LRBA: variants seen among roughly 807,000 people sequenced by gnomAD.
The protein encoded by LRBA is LPS responsive beige-like anchor protein.
LRBA carries 176 observed loss-of-function variants against 330.0 expected under a neutral mutation model. That is an observed-to-expected ratio of 0.53 (90% confidence interval 0.47 to 0.60). The LOEUF is 0.60. Ranked by LOEUF, LRBA falls within the 20% of genes least tolerant of loss-of-function variation. The pLI, the probability that LRBA is intolerant of heterozygous loss-of-function variation, is 0.00. For missense variants in LRBA, 3,259 were observed against 3,444.8 expected (o/e 0.95, Z 1.35); for synonymous variants, 1,230 against 1,193.0 (o/e 1.03, Z -0.64).
At chr4:150,968,237 C>G (rs1739129412) in intron 2 of LRBA, among the ~76,000 whole-genome samples, 1 of 152,068 alleles carries the variant, frequency 6.6e-6, no homozygotes, top group African/African-American at 2.4e-5. Context: ...CTCCTGACCT[C>G]AAGTGATCAC....
intron 4 of LRBA, among the ~76,000 whole-genome samples, chr4:150,922,643 A>G (rs1733428389): frequency 6.6e-6 from 1 of 152,016 alleles, no homozygotes; most frequent in Non-Finnish European, 1.5e-5. Context: ...GTGAGAGATA[A>G]AAGTCTACAA....
At chr4:150,924,315 C>T (rs1187591904) in intron 4 of LRBA, among the ~76,000 whole-genome samples, 1 of 151,992 alleles carries the variant, frequency 6.6e-6, no homozygotes, top group Non-Finnish European at 1.5e-5. Flanking sequence ...GGTTTGAGAC[C>T]AGCCTGGGCA....
At chr4:150,952,415 G>A (rs1736934464) in intron 2 of LRBA, among the ~76,000 whole-genome samples, 1 of 152,048 alleles carries the variant, frequency 6.6e-6, no homozygotes, top group South Asian at 2.1e-4. Context: ...TCAAAGAAGT[G>A]GGTTGAGGAG....
At chr4:150,902,418 T>C (rs143953616) in intron 13 of LRBA, among the ~76,000 whole-genome samples, 325 of 152,252 alleles carry the variant, frequency 2.1e-3, no homozygotes, top group Non-Finnish European at 3.5e-3. Context: ...GGCAGGAGAA[T>C]AGGGTCTGGA....
intron 3 of LRBA, 27 bp downstream of exon 3, chr4:150,928,807 T>C (rs749317668): frequency 1.3e-6 from 2 of 1,515,822 alleles, no homozygotes; most frequent in Non-Finnish European, 1.8e-6. Flanking sequence ...TTTCTTTGCA[T>C]ATATTGTACT....
At chr4:150,479,830 C>T (rs958895820) in intron 42 of LRBA, among the ~76,000 whole-genome samples, 1 of 152,176 alleles carries the variant, frequency 6.6e-6, no homozygotes, top group African/African-American at 2.4e-5. Context: ...AAAACTGACT[C>T]GGTAAGGAAC....
chr4:150,312,767 T>C (rs957779914), intron 51 of LRBA, among the ~76,000 whole-genome samples: 8 of 152,130 alleles, frequency 5.3e-5, no homozygotes, highest in African/African-American at 1.9e-4. Flanking sequence ...TAACTCTTAA[T>C]AATAGATCAC....
intron 34 of LRBA, among the ~76,000 whole-genome samples, chr4:150,785,288 A>C (rs1387328436): frequency 6.6e-6 from 1 of 152,098 alleles, no homozygotes; most frequent in African/African-American, 2.4e-5. Flanking sequence ...AAATGCAAAA[A>C]CCCGAAAAGA....
intron 31 of LRBA, among the ~76,000 whole-genome samples, chr4:150,809,703 A>G (rs1406055852): frequency 2.0e-5 from 3 of 152,086 alleles, no homozygotes; most frequent in South Asian, 2.1e-4. Context: ...AAAATACAAC[A>G]AAGTGGCCAG....
chr4:150,599,151 C>G lies in LRBA; in HGVS notation c.5922-20G>C. The G allele has an allele frequency of 6.2e-7, 1 of 1,612,832 alleles. No individual in the cohort carries two copies. The highest frequency in any genetic ancestry group is 8.5e-7 in the Non-Finnish European group (1 of 1,179,434). On this transcript the variant is annotated intron_variant, in intron 37 of 56. Coordinates refer to ENST00000651943, the MANE Select transcript of LRBA (RefSeq NM_001364905.1). ...GGACGACTACAATGAAACAGAGAAG[C>G]CACATATGTTAGCAATTATCAAACA...
intron 53 of LRBA, among the ~76,000 whole-genome samples, chr4:150,300,988 T>C (rs1729603185): frequency 6.6e-6 from 1 of 151,998 alleles, no homozygotes; most frequent in Non-Finnish European, 1.5e-5. Flanking sequence ...TTTATGTGCA[T>C]GAAATACCTT....
intron 53 of LRBA, among the ~76,000 whole-genome samples, chr4:150,297,693 C>T (rs1446468934): frequency 6.6e-6 from 1 of 152,122 alleles, no homozygotes. Flanking sequence ...ACATAAGGAA[C>T]CTAAACATAA....
chr4:150,820,409 T>A (rs1267443525), intron 30 of LRBA, among the ~76,000 whole-genome samples: 1 of 151,982 alleles, frequency 6.6e-6, no homozygotes, highest in Non-Finnish European at 1.5e-5. Flanking sequence ...ACCACAATCA[T>A]ATTAACATTT....
intron 48 of LRBA, among the ~76,000 whole-genome samples, chr4:150,344,761 G>A (rs1034591698): frequency 2.2e-4 from 33 of 152,082 alleles, no homozygotes; most frequent in African/African-American, 7.0e-4. Flanking sequence ...ATGTTGCCCA[G>A]GCTGGTCTTG....
intron 22 of LRBA, among the ~76,000 whole-genome samples, chr4:150,853,996 AT>A (rs1223362297): frequency 6.6e-6 from 1 of 152,128 alleles, no homozygotes; most frequent in Non-Finnish European, 1.5e-5. Context: ...AGAAAAGCTG[AT>A]TTTTTTATCC....
intron 53 of LRBA, among the ~76,000 whole-genome samples, chr4:150,294,963 A>T (rs1560975793): frequency 6.6e-6 from 1 of 151,946 alleles, no homozygotes; most frequent in Non-Finnish European, 1.5e-5. Flanking sequence ...AAAAAAAAAA[A>T]TAGTAGTAGT....
chr4:150,294,767 T>C (rs568047580), intron 53 of LRBA, among the ~76,000 whole-genome samples: 86 of 152,288 alleles, frequency 5.6e-4, no homozygotes, highest in South Asian at 8.3e-4. Flanking sequence ...ATGGCCAACA[T>C]GGTGAAACCC....
chr4:150,906,876 T>A, intron 11 of LRBA, among the ~76,000 whole-genome samples: 1 of 152,110 alleles, frequency 6.6e-6, no homozygotes, highest in Middle Eastern at 3.4e-3. Context: ...ACTTGCATAG[T>A]CTGAATGGAG....
chr4:150,943,654 TCA>T (rs1372295787), intron 2 of LRBA, among the ~76,000 whole-genome samples: 2 of 152,216 alleles, frequency 1.3e-5, no homozygotes, highest in African/African-American at 4.8e-5. Flanking sequence ...GTTTGTTTTT[TCA>T]CAGATTTCCT....
Sources: gnomAD v4.1 joint callset for allele counts (sites outside exome capture counted in the v4.1 genomes callset) on GRCh38, gnomAD v4.1.1 for gene constraint, MANE v1.5 for transcripts, NCBI Gene and HGNC (gene_info 2026-07-23, HGNC 2026-07-21) for gene names.